CBR4: variants seen among roughly 807,000 people sequenced by gnomAD.
CBR4 encodes the protein carbonyl reductase 4, also known as 3-oxoacyl-[acyl-carrier-protein] reductase.
In CBR4, 22 loss-of-function variants were observed where a neutral mutation model predicts 21.0. The ratio of observed to expected loss-of-function variants is 1.05; its 90% confidence interval spans 0.75 to 1.50. The LOEUF is 1.50. Ranked by LOEUF, CBR4 falls within the 40% of genes most tolerant of loss-of-function variation. The pLI is 0.00. For missense variants in CBR4, 302 were observed against 286.3 expected (o/e 1.05, Z -0.40); for synonymous variants, 100 against 104.4 (o/e 0.96, Z 0.26).
chr4:168,941,823 T>C (rs1449607234), intron 2 of CBR4, among the ~76,000 whole-genome samples: 1 of 152,230 alleles, frequency 6.6e-6, no homozygotes, highest in Non-Finnish European at 1.5e-5. Flanking sequence ...CCAGTGATGA[T>C]GAGCTTTTTT....
rs1428799328 is a variant in CBR4, at chr4:169,006,817, A to G, written c.338T>C (p.Leu113Pro). 1.2e-6 allele frequency: 2 copies of G among 1,613,512 alleles called. No homozygotes were observed. The highest frequency in any genetic ancestry group is 4.5e-5 in the East Asian group (2 of 44,888). Residue 113 changes from leucine to proline, a missense_variant, in exon 3 of 5, where the codon CTG becomes CCG. Physicochemically the swap from Leu to Pro is moderately conservative, Grantham distance 98. Transcript: ENST00000306193. ...AGTCCTCATGGCAGCTTTACAGGTC[A>G]GCATGGAACCCAAGAGGTTAGTATG... ...QLHTNLLGSM[L>P]TCKAAMRTMI... is the part of the protein sequence containing the mutation.
intron 2 of CBR4, among the ~76,000 whole-genome samples, chr4:168,922,753 A>G (rs967186435): frequency 7.2e-5 from 11 of 152,228 alleles, no homozygotes; most frequent in African/African-American, 1.9e-4. Flanking sequence ...ACATGCTACA[A>G]TTGATTTCAT....
intron 3 of CBR4, among the ~76,000 whole-genome samples, chr4:169,004,618 ATTTGT>A (rs750628586): frequency 3.3e-5 from 5 of 152,170 alleles, no homozygotes; most frequent in Non-Finnish European, 7.3e-5. Context: ...CTCCTCACCC[ATTTGT>A]TTTATCATGA....
At chr4:168,959,308 T>C (rs1040082990) in intron 2 of CBR4, among the ~76,000 whole-genome samples, 2 of 152,180 alleles carry the variant, frequency 1.3e-5, no homozygotes, top group African/African-American at 4.8e-5. Flanking sequence ...TTCACTGAAA[T>C]TGCCTTGGCA....
chr4:168,976,372 G>A (rs1240605676), intron 2 of CBR4, among the ~76,000 whole-genome samples: 2 of 152,280 alleles, frequency 1.3e-5, no homozygotes, highest in South Asian at 2.1e-4. Flanking sequence ...TGTCATGCAC[G>A]TCCATGTGAA....
chr4:168,902,876 A>G (rs1292338579), intron 2 of CBR4, among the ~76,000 whole-genome samples: 1 of 152,112 alleles, frequency 6.6e-6, no homozygotes, highest in Admixed American at 6.6e-5. Context: ...GGCTCAAGCA[A>G]TCCTCCTGAC....
intron 4 of CBR4, among the ~76,000 whole-genome samples, chr4:168,994,266 A>AG (rs1765071720): frequency 6.6e-6 from 1 of 152,276 alleles, no homozygotes; most frequent in Non-Finnish European, 1.5e-5. Flanking sequence ...CTTAAGGCAC[A>AG]GATCGCTCAT....
intron 4 of CBR4, among the ~76,000 whole-genome samples, chr4:168,998,248 T>G (rs1765299350): frequency 6.6e-6 from 1 of 152,194 alleles, no homozygotes; most frequent in Non-Finnish European, 1.5e-5. Context: ...CTCATATACT[T>G]GCAAATGTGC....
Position 168,990,218 on chromosome 4 carries a change from G to C in CBR4, c.646C>G (p.Leu216Val). 1.2e-6 allele frequency: 2 copies of C among 1,613,118 alleles called. No individual in the cohort carries two copies. Among genetic ancestry groups the C allele is most frequent in the Non-Finnish European group, 1.7e-6 (2 of 1,179,524 alleles). The change falls in exon 5 of 5, where the codon CTT becomes GTT. Residue 216 changes from leucine (L) to valine (V), a missense_variant. Physicochemically the swap from Leu to Val is conservative, Grantham distance 32 (BLOSUM62 1). Coordinates refer to ENST00000306193, the MANE Select transcript of CBR4 (RefSeq NM_032783.5). ...CCTGTAATATACGGTGATTCTAAAA[G>C]AAACACAACCGCATGTGCCACCTCA... The part of the protein sequence containing the change: ...TIEVAHAVVF[L>V]LESPYITGHV...
intron 2 of CBR4, among the ~76,000 whole-genome samples, chr4:168,973,659 G>A (rs1051922626): frequency 6.6e-6 from 1 of 151,822 alleles, no homozygotes; most frequent in South Asian, 2.1e-4. Flanking sequence ...ATAGAATTCA[G>A]TCATGAATCC....
At chr4:169,007,039 T>A (rs1001468931) in intron 2 of CBR4, 148 bp from the exon 3 acceptor site, 1 of 618,272 alleles carries the variant, frequency 1.6e-6, no homozygotes, top group African/African-American at 1.8e-5. Context: ...CATTTTGAAC[T>A]TGGCTTGAGA....
intron 2 of CBR4, among the ~76,000 whole-genome samples, chr4:168,962,045 T>G (rs1763879030): frequency 6.6e-6 from 1 of 151,998 alleles, no homozygotes; most frequent in African/African-American, 2.4e-5. Context: ...ACCATTATAT[T>G]AAAGAGTTAA....
intron 2 of CBR4, chr4:168,924,462 C>G: frequency 6.6e-7 from 1 of 1,526,396 alleles, no homozygotes; most frequent in Non-Finnish European, 9.1e-7. Context: ...ACTGTTCAGT[C>G]CTAATGATGT....
intron 1 of CBR4, among the ~76,000 whole-genome samples, 180 bp from the exon 2 acceptor site, chr4:169,007,936 G>C (rs1488642218): frequency 1.3e-5 from 2 of 152,152 alleles, no homozygotes; most frequent in African/African-American, 4.8e-5. Context: ...TGGGATGCGG[G>C]AACAAAGAGG....
chr4:168,978,971 C>T (rs1764457258), intron 2 of CBR4, among the ~76,000 whole-genome samples: 1 of 151,660 alleles, frequency 6.6e-6, no homozygotes, highest in Admixed American at 6.6e-5. Flanking sequence ...GCCATTTTTG[C>T]TGCTGCACAG....
At position 168,989,284 on chromosome 4, in the gene CBR4, C is replaced by T. The variant is rs1300875015; in HGVS notation, c.*866G>A. 1.5e-5 allele frequency: 15 copies of T among 985,028 alleles called. No individual in the cohort carries two copies. The highest frequency in any genetic ancestry group is 2.3e-4 in the East Asian group (2 of 8,810). The allele number at this position is 985,028 out of a possible 1,614,324, so 61.0% of individuals were successfully genotyped here. On this transcript the variant is annotated 3_prime_UTR_variant, in exon 5 of 5. Coordinates refer to ENST00000306193, the MANE Select transcript of CBR4 (RefSeq NM_032783.5). ...TTCTAAGTTTTTCATGAATAAAAAACACATCCTAAGTTCATGAAATCTGTG... is the reference window on the plus strand; with the variant it reads ...TTCTAAGTTTTTCATGAATAAAAAATACATCCTAAGTTCATGAAATCTGTG...
At chr4:168,924,795 T>G (rs1192974781) in intron 2 of CBR4, 2 of 757,336 alleles carry the variant, frequency 2.6e-6, no homozygotes, top group East Asian at 2.6e-5. Context: ...TTAACTTTAA[T>G]GGAGCTAGTA....
At chr4:168,966,785 G>A (rs376505676) in intron 2 of CBR4, among the ~76,000 whole-genome samples, 17 of 152,126 alleles carry the variant, frequency 1.1e-4, no homozygotes, top group Admixed American at 2.6e-4. Flanking sequence ...TTGGGAGGCC[G>A]AGGCGGGCGG....
intron 2 of CBR4, among the ~76,000 whole-genome samples, chr4:168,895,250 C>T (rs749948650): frequency 4.6e-5 from 7 of 152,050 alleles, no homozygotes; most frequent in East Asian, 1.9e-4. Flanking sequence ...GGTGTGGTGA[C>T]GCACACCTGT....
Sources: allele counts gnomAD v4.1 joint callset (sites outside exome capture counted in the v4.1 genomes callset), GRCh38; gene constraint gnomAD v4.1.1; transcripts MANE v1.5; gene names NCBI Gene and HGNC (gene_info 2026-07-23, HGNC 2026-07-21).